Variants in RPS12 observed in about 807,000 individuals in gnomAD.
The protein encoded by RPS12 is small ribosomal subunit protein eS12.
In RPS12, 1 loss-of-function variant was observed where a neutral mutation model predicts 17.2. The ratio of observed to expected loss-of-function variants is 0.06; its 90% CI spans 0.02 to 0.28. RPS12 has a LOEUF of 0.28. Among genes scored for constraint, RPS12 ranks in the 10% least tolerant of loss-of-function variants. The probability of loss-of-function intolerance (pLI) is 1.00; values close to 1 mark genes in which losing one functional copy is unlikely to be tolerated. For missense variants in RPS12, 146 were observed against 162.1 expected, an observed-to-expected ratio of 0.90 and a Z score of 0.54; for synonymous variants, 67 against 54.0, an observed-to-expected ratio of 1.24 and a Z score of -1.06.
chr6:132,815,316 A>G, intron 3 of RPS12: 1 of 711,938 alleles, frequency 1.4e-6, no homozygotes, highest in East Asian at 2.8e-5. Context: ...TGTTTGAATG[A>G]TGACTTTAAT....
rs139382620 is a variant in RPS12, at chr6:132,815,004, C to T, written c.47C>T (p.Thr16Ile). The T allele has an allele frequency of 6.8e-6, 11 of 1,612,906 alleles. No individual in the cohort carries two copies. The East Asian group carries it at 8.9e-5, about 13-fold the overall frequency. ...IAAGGVMDVNTALQEVLKTAL... is the reference protein window; with the variant it reads ...IAAGGVMDVNIALQEVLKTAL... ...GCTGGAGGTGTAATGGACGTTAATACTGCTTTACAAGAGGTTCTGAAGACT... is the reference window on the plus strand; with the variant it reads ...GCTGGAGGTGTAATGGACGTTAATATTGCTTTACAAGAGGTTCTGAAGACT... Residue 16 changes from threonine (T) to isoleucine (I), a missense_variant, in exon 3 of 6, where the codon ACT (threonine) becomes ATT (isoleucine). Physicochemically the swap from Thr to Ile is moderately conservative, Grantham distance 89 (BLOSUM62 -1). Transcript: ENST00000230050.
At chr6:132,815,702 C>T (rs1454699725) in intron 3 of RPS12, 2 of 456,508 alleles carry the variant, frequency 4.4e-6, no homozygotes, top group East Asian at 1.4e-4. Flanking sequence ...TGTAATCTAG[C>T]CAGTTCAATC....
chr6:132,814,901 G>C, intron 2 of RPS12, 71 bp from the exon 3 acceptor site: 1 of 1,417,490 alleles, frequency 7.1e-7, no homozygotes, highest in African/African-American at 1.4e-5. Flanking sequence ...TGTACACTTA[G>C]CTTTTGCTGA....
intron 3 of RPS12, chr6:132,815,293 C>T (rs1246936031): frequency 2.7e-6 from 2 of 737,184 alleles, no homozygotes; most frequent in Non-Finnish European, 5.0e-6. Context: ...GGGATAAGCA[C>T]TCAAAACTAC....
At position 132,814,974 on chromosome 6, in the gene RPS12, T is replaced by C; in HGVS notation, c.17T>C (p.Ile6Thr). Residue 6 changes from isoleucine (I) to threonine (T), a missense_variant and splice_region_variant, in exon 3 of 6, where the codon ATT becomes ACT. Around this residue, in one of 2 missense-constraint regions of RPS12, gnomAD observed 117 missense variants for 104.6 expected, o/e 1.12. Coordinates refer to ENST00000230050, the MANE Select transcript of RPS12 (RefSeq NM_001016.4). ...GGTTCTGATGTGTCGCGTTTAAGCA[T>C]TGCTGCTGGAGGTGTAATGGACGTT... MAEEGIAAGGVMDVNT... is the reference protein window; with the variant it reads MAEEGTAAGGVMDVNT... 6.2e-7 allele frequency: 1 copy of C among 1,603,734 alleles called. No homozygotes were observed. Among genetic ancestry groups the C allele is most frequent in the Admixed American group, 1.7e-5 (1 of 60,002 alleles).
At position 132,814,977 on chromosome 6, in the gene RPS12, C is replaced by G. The variant is rs762042505; in HGVS notation, c.20C>G (p.Ala7Gly). The G allele has an allele frequency of 2.5e-6, 4 of 1,605,740 alleles. No homozygotes were observed. The highest frequency in any genetic ancestry group is 2.2e-5 in the East Asian group (1 of 44,830). The change falls in exon 3 of 6, where the codon GCT becomes GGT. Residue 7 changes from alanine (A) to glycine (G), a missense_variant. Physicochemically the swap from Ala to Gly is moderately conservative, Grantham distance 60 (BLOSUM62 0). Transcript: ENST00000230050. MAEEGIAAGGVMDVNTA... is the reference protein window; with the variant it reads MAEEGIGAGGVMDVNTA... ...TCTGATGTGTCGCGTTTAAGCATTGCTGCTGGAGGTGTAATGGACGTTAAT... is the reference window on the plus strand; with the variant it reads ...TCTGATGTGTCGCGTTTAAGCATTGGTGCTGGAGGTGTAATGGACGTTAAT...
rs770292766 is a variant in RPS12 at position 132,814,959 on chromosome 6, T to C, written c.15-13T>C. 1.3e-6 allele frequency: 2 copies of C among 1,555,536 alleles called. No homozygotes were observed. The highest frequency in any genetic ancestry group is 1.8e-6 in the Non-Finnish European group (2 of 1,126,642). On this transcript the variant is annotated splice_polypyrimidine_tract_variant and intron_variant, in intron 2 of 5. Transcript: ENST00000230050. ...AGGATTTTAACTGATGGTTCTGATG[T>C]GTCGCGTTTAAGCATTGCTGCTGGA...
intron 1 of RPS12, 37 bp from the exon 2 acceptor site, chr6:132,814,695 T>C: frequency 1.3e-6 from 2 of 1,543,828 alleles, no homozygotes. Flanking sequence ...GTGACGAGTA[T>C]CTGGTTCTTT....
chr6:132,816,718 G>C (rs1192720738), intron 4 of RPS12, 155 bp downstream of exon 4: 14 of 771,040 alleles, frequency 1.8e-5, no homozygotes, highest in Non-Finnish European at 3.1e-5. Flanking sequence ...GTAGGTAGAA[G>C]CATTTTATAC....
At chr6:132,815,398 G>A (rs1782025229) in intron 3 of RPS12, 1 of 569,966 alleles carries the variant, frequency 1.8e-6, no homozygotes, top group African/African-American at 1.9e-5. Context: ...TGTGGAGCTA[G>A]TCAGTCTTAT....
At chr6:132,815,356 G>A (rs1186588883) in intron 3 of RPS12, 3 of 630,726 alleles carry the variant, frequency 4.8e-6, no homozygotes, top group Admixed American at 1.8e-5. Flanking sequence ...CCTTTTATGA[G>A]TGAAACATAA....
At chr6:132,814,903 T>TAA (rs2114709134) in intron 2 of RPS12, 69 bp from the exon 3 acceptor site, 1 of 1,393,028 alleles carries the variant, frequency 7.2e-7, no homozygotes, top group East Asian at 2.3e-5. Flanking sequence ...TACACTTAGC[T>TAA]TTTGCTGAGT....
At position 132,815,063 on chromosome 6, in the gene RPS12, C is replaced by A. The variant is rs1432069439; in HGVS notation, c.106C>A (p.Arg36Ser). 1.2e-6 allele frequency: 2 copies of A among 1,612,298 alleles called. No individual in the cohort carries two copies. Among genetic ancestry groups the A allele is most frequent in the African/African-American group, 1.3e-5 (1 of 74,880 alleles). The change falls in exon 3 of 6, where the codon CGC becomes AGC. Residue 36 changes from arginine (R) to serine (S), a missense_variant. Coordinates refer to ENST00000230050, the MANE Select transcript of RPS12 (RefSeq NM_001016.4). Reference sequence around the variant, plus strand: ...CCACGATGGCCTAGCACGTGGAATTCGCGAAGCTGCCAAAGCCTTAGACAA... The same window carrying A: ...CCACGATGGCCTAGCACGTGGAATTAGCGAAGCTGCCAAAGCCTTAGACAA... The part of the protein sequence containing the change: ...LIHDGLARGI[R>S]EAAKALDKRQ...
chr6:132,815,539 TAGC>T (rs1782029457), intron 3 of RPS12: 1 of 430,858 alleles, frequency 2.3e-6, no homozygotes, highest in African/African-American at 2.0e-5. Context: ...AGTAGTATAA[TAGC>T]TGTGATTTAT....
At chr6:132,814,877 G>A in intron 2 of RPS12, 95 bp downstream of exon 2, 1 of 1,430,664 alleles carries the variant, frequency 7.0e-7, no homozygotes, top group Non-Finnish European at 9.9e-7. Flanking sequence ...ACGGGTCGCC[G>A]TAAGCGCGTC....
intron 4 of RPS12, 91 bp from the exon 5 acceptor site, chr6:132,816,869 G>T: frequency 2.2e-6 from 2 of 907,626 alleles, no homozygotes; most frequent in South Asian, 1.3e-5. Flanking sequence ...TCACCCTTCT[G>T]ATTACAGCCA....
intron 3 of RPS12, chr6:132,815,541 G>T: frequency 2.3e-6 from 1 of 432,452 alleles, no homozygotes; most frequent in South Asian, 1.6e-5. Flanking sequence ...TAGTATAATA[G>T]CTGTGATTTA....
In RPS12 at chr6:132,817,535, A is replaced by G. The variant is rs763788906; in HGVS notation, c.392A>G (p.Lys131Arg). Residue 131 changes from lysine (K) to arginine (R), a missense_variant, in exon 6 of 6, where the codon AAG becomes AGG. By Grantham distance (26) the Lys-to-Arg change is conservative. Coordinates refer to ENST00000230050, the MANE Select transcript of RPS12 (RefSeq NM_001016.4). The part of the protein sequence containing the change: ...KDVIEEYFKC[K>R]K The stretch of plus-strand genomic sequence containing the variant: ...GTCATTGAAGAGTATTTCAAATGCA[A>G]GAAATGAAGAAATAAATCTTTGGCT... The G allele has an allele frequency of 7.5e-6, 12 of 1,610,296 alleles. No individual in the cohort carries two copies. Among genetic ancestry groups the G allele is most frequent in the Non-Finnish European group, 1.0e-5 (12 of 1,178,378 alleles).
chr6:132,815,804 T>A (rs1290986512), intron 3 of RPS12: 1 of 456,072 alleles, frequency 2.2e-6, no homozygotes, highest in Non-Finnish European at 4.4e-6. Context: ...TGGCATTTCA[T>A]AACTGTTCCA....
Sources: allele counts gnomAD v4.1 joint callset, GRCh38; gene constraint gnomAD v4.1.1; regional missense constraint gnomAD v4.1.1; transcripts MANE v1.5; gene names NCBI Gene and HGNC (gene_info 2026-07-23, HGNC 2026-07-21).